FAAP100: variants seen among roughly 807,000 people sequenced by gnomAD.
FAAP100 encodes the protein Fanconi anemia core complex-associated protein 100.
FAAP100 carries 46 observed loss-of-function variants against 65.8 expected under a neutral mutation model. The observed-to-expected ratio is 0.70, with a 90% CI of 0.55 to 0.89. The LOEUF (loss-of-function observed/expected upper bound fraction) is 0.89, where lower values mean the gene tolerates loss of function less well. FAAP100 is among the 40% of genes least tolerant of loss of function. The probability of loss-of-function intolerance (pLI) is 0.00; values close to 1 mark genes in which losing one functional copy is unlikely to be tolerated. For missense variants in FAAP100, 1,165 were observed against 1,196.7 expected, an observed-to-expected ratio of 0.97 and a Z score of 0.39; for synonymous variants, 663 against 555.1, an observed-to-expected ratio of 1.19 and a Z score of -2.73.
rs2033369842 is a variant in FAAP100, at chr17:81,547,938, T to A, written c.1404-260A>T. On this transcript the variant is annotated intron_variant, in intron 4 of 8. Transcript: ENST00000327787. ...CCACAGGAGGAAAGAGGACAGAGGA[T>A]GAAGCTGGTGCTCCGGGGACCTAGG... 9.9e-6 allele frequency: 7 copies of A among 704,514 alleles called. No homozygotes were observed. The East Asian group carries it at 1.6e-4, about 16-fold the overall frequency. 43.6% of individuals were successfully genotyped at this position (704,514 alleles called of 1,614,324 possible).
upstream of FAAP100, among the ~76,000 whole-genome samples, chr17:81,552,578 G>C (rs1351329718): frequency 2.0e-5 from 3 of 152,190 alleles, no homozygotes; most frequent in Admixed American, 1.3e-4. Flanking sequence ...TGACCCGGCC[G>C]GGCTGGTGGG....
At position 81,539,897 on chromosome 17, in the gene FAAP100, G is replaced by C; in HGVS notation, c.*922C>G. 2.5e-6 allele frequency: 1 copy of C among 398,792 alleles called. No homozygotes were observed. The highest frequency in any genetic ancestry group is 4.4e-6 in the Non-Finnish European group (1 of 226,138). The allele number at this position is 398,792 out of a possible 1,614,324, so 24.7% of individuals were successfully genotyped here. ...AACAGCCGAGGCCTGAAGGTTCACG[G>C]ACAGACAGGGTCGTTTGTCACAGCA... On this transcript the variant is annotated 3_prime_UTR_variant, in exon 9 of 9. Transcript: ENST00000327787.
intron 4 of FAAP100, 79 bp from the exon 5 acceptor site, chr17:81,547,757 A>C: frequency 6.6e-7 from 1 of 1,515,064 alleles, no homozygotes. Context: ...CAGGCCTGGT[A>C]GGCACCGAGC....
At position 81,550,956 on chromosome 17, in the gene FAAP100, G is replaced by C; in HGVS notation, c.538C>G (p.Pro180Ala). The change falls in exon 3 of 9, where the codon CCC (proline) becomes GCC (alanine). Residue 180 changes from proline (P) to alanine (A), a missense_variant. By Grantham distance (27) the Pro-to-Ala change is conservative (BLOSUM62 -1). Coordinates refer to ENST00000327787, the MANE Select transcript of FAAP100 (RefSeq NM_025161.6). ...GGCTTTCCTGGGACCCCGGCTGGGG[G>C]CGTGTAGGAGGACAGCTCCACCTCA... ...IGEVELSSYT[P>A]PAGVPGKPAA... 1.2e-6 allele frequency: 2 copies of C among 1,612,142 alleles called. No individual in the cohort carries two copies. Among genetic ancestry groups the C allele is most frequent in the Non-Finnish European group, 1.7e-6 (2 of 1,179,682 alleles).
intron 4 of FAAP100, 132 bp downstream of exon 4, chr17:81,549,070 AAAAG>A: frequency 1.6e-6 from 1 of 619,974 alleles, no homozygotes; most frequent in South Asian, 3.3e-5. Context: ...AAAAAAAAAA[AAAAG>A]AGGCCAAGTA....
chr17:81,546,229 G>T (rs144630284), intron 5 of FAAP100, among the ~76,000 whole-genome samples: 1 of 152,360 alleles, frequency 6.6e-6, no homozygotes, highest in Non-Finnish European at 1.5e-5. Flanking sequence ...CCAGGGGATG[G>T]CTGCGGCTGC....
intron 6 of FAAP100, among the ~76,000 whole-genome samples, chr17:81,545,190 C>T (rs1444127155): frequency 6.6e-6 from 1 of 152,236 alleles, no homozygotes; most frequent in East Asian, 1.9e-4. Context: ...AAACCAAGTG[C>T]AGACTCTGAG....
chr17:81,540,629 C>T lies in FAAP100; in HGVS notation c.*190G>A. On this transcript the variant is annotated 3_prime_UTR_variant, in exon 9 of 9. Coordinates refer to ENST00000327787, the MANE Select transcript of FAAP100 (RefSeq NM_025161.6). Reference sequence around the variant, plus strand: ...GTTCAGAGCCCGCCTCGGTTGCTCCCAATCAGAATCTGCTTTGTGCTCCAC... The same window carrying T: ...GTTCAGAGCCCGCCTCGGTTGCTCCTAATCAGAATCTGCTTTGTGCTCCAC... 3 of 748,054 alleles carry T rather than the reference C, an allele frequency of 4.0e-6. No individual in the cohort carries two copies. The highest frequency in any genetic ancestry group is 5.8e-6 in the Non-Finnish European group (3 of 516,006). 46.3% of individuals were successfully genotyped at this position (748,054 alleles called of 1,614,324 possible).
At chr17:81,546,248 C>T (rs2033297074) in intron 5 of FAAP100, among the ~76,000 whole-genome samples, 1 of 152,244 alleles carries the variant, frequency 6.6e-6, no homozygotes, top group African/African-American at 2.4e-5. Context: ...GCCCTCTCTG[C>T]ACAAGCCCAA....
intron 5 of FAAP100, chr17:81,546,622 T>C: frequency 2.8e-6 from 1 of 361,130 alleles, no homozygotes; most frequent in Non-Finnish European, 4.9e-6. Flanking sequence ...GCTCATTTCC[T>C]GAGCAGAGCT....
In FAAP100 at chr17:81,552,022, G is replaced by A. The variant is rs1238130276; in HGVS notation, c.196C>T (p.His66Tyr). ...CTGCGCGGCGCCAGCAGCTCCAGGT[G>A]CCACACCTGGTCGGGGAACCGGAAC... is the stretch of plus-strand genomic sequence containing the variant. ...AAFRFPDQVWHLELLAPRRLL... is the reference protein window; with the variant it reads ...AAFRFPDQVWYLELLAPRRLL... Residue 66 changes from histidine to tyrosine, a missense_variant, in exon 2 of 9, where the codon CAC (histidine) becomes TAC (tyrosine). Transcript: ENST00000327787. 3 of 1,551,338 alleles carry A rather than the reference G, an allele frequency of 1.9e-6. No individual in the cohort carries two copies. Among genetic ancestry groups the A allele is most frequent in the Admixed American group, 1.8e-5 (1 of 54,362 alleles).
At chr17:81,548,142 G>A in intron 4 of FAAP100, 1 of 599,676 alleles carries the variant, frequency 1.7e-6, no homozygotes, top group Non-Finnish European at 3.0e-6. Context: ...CTAAACCACA[G>A]GGACCCGGAG....
At chr17:81,542,398 AAACT>A (rs2143932597) in intron 7 of FAAP100, among the ~76,000 whole-genome samples, 1 of 151,680 alleles carries the variant, frequency 6.6e-6, no homozygotes, top group African/African-American at 2.4e-5. Flanking sequence ...CAAACAAATA[AAACT>A]AAATTTCCAG....
intron 4 of FAAP100, chr17:81,548,108 G>C (rs2033375905): frequency 1.5e-5 from 9 of 616,842 alleles, no homozygotes; most frequent in Admixed American, 7.8e-5. Context: ...AACCAGGGGG[G>C]TCGCAGGCGC....
chr17:81,544,226 G>A, intron 6 of FAAP100, 106 bp from the exon 7 acceptor site: 3 of 881,704 alleles, frequency 3.4e-6, no homozygotes, highest in Non-Finnish European at 5.5e-6. Context: ...GAGGCCCTGA[G>A]ATGGTCCCAA....
rs148386678 is a variant in FAAP100 at position 81,550,645 on chromosome 17, G to A, written c.849C>T (p.Ile283=). 51 of 1,612,960 alleles carry A rather than the reference G, an allele frequency of 3.2e-5. No homozygotes were observed. The highest frequency in any genetic ancestry group is 6.7e-5 in the Admixed American group (4 of 60,008). Reference sequence around the variant, plus strand: ...GCTCTGTCTTCAAGGCCCCTATGAAGATGACGGGCTCCTCCAGGTGATGGA... The same window carrying A: ...GCTCTGTCTTCAAGGCCCCTATGAAAATGACGGGCTCCTCCAGGTGATGGA... ...KILHHLEEPV[I]FIGALKTEPQ... The change falls in exon 3 of 9, where the codon ATC becomes ATT. Residue 283 remains isoleucine (I), a synonymous_variant. Transcript: ENST00000327787.
chr17:81,541,193 G>C, intron 8 of FAAP100, 116 bp downstream of exon 8: 1 of 1,249,492 alleles, frequency 8.0e-7, no homozygotes, highest in Non-Finnish European at 1.1e-6. Context: ...GCCCATGGGA[G>C]CGAAGCCCAT....
intron 4 of FAAP100, chr17:81,548,042 G>A (rs1477552662): frequency 1.5e-6 from 1 of 686,070 alleles, no homozygotes; most frequent in Non-Finnish European, 2.7e-6. Flanking sequence ...CCCACCCTTG[G>A]CTCCCCAGAA....
chr17:81,550,470 A>T lies in FAAP100; in HGVS notation c.1024T>A (p.Cys342Ser). Residue 342 changes from cysteine (C) to serine (S), a missense_variant, in exon 3 of 9, where the codon TGC becomes AGC. Transcript: ENST00000327787. ...GCGCAGAGCACAGGGCCTGGGAGGC[A>T]GTACTCCCGCAGCTCGGGCACCAGC... The part of the protein sequence containing the change: ...GKLVPELREY[C>S]LPGPVLCAAC... 6.2e-7 allele frequency: 1 copy of T among 1,612,518 alleles called. No homozygotes were observed. Among genetic ancestry groups the T allele is most frequent in the Middle Eastern group, 1.6e-4 (1 of 6,062 alleles).
Sources: gnomAD v4.1 joint callset for allele counts (sites outside exome capture counted in the v4.1 genomes callset) on GRCh38, gnomAD v4.1.1 for gene constraint, MANE v1.5 for transcripts, NCBI Gene and HGNC (gene_info 2026-07-23, HGNC 2026-07-21) for gene names.